Variants in SLC25A48 observed in about 807,000 individuals in gnomAD.
The protein encoded by SLC25A48 is CTC-321K16.1.
In SLC25A48, 29 loss-of-function variants were observed where a neutral mutation model predicts 32.2. That is an observed-to-expected ratio of 0.90 (90% confidence interval 0.67 to 1.23). The LOEUF is 1.23. SLC25A48 is among the 50% of genes most tolerant of loss of function. The pLI, the probability that SLC25A48 is intolerant of heterozygous loss-of-function variation, is 0.00. For missense variants in SLC25A48, 399 were observed against 422.7 expected, an observed-to-expected ratio of 0.94 and a Z score of 0.49; for synonymous variants, 164 against 172.3, an observed-to-expected ratio of 0.95 and a Z score of 0.38.
chr5:135,775,065 C>A (rs1044250628), intron 3 of SLC25A48, among the ~76,000 whole-genome samples: 4 of 151,610 alleles, frequency 2.6e-5, no homozygotes, highest in African/African-American at 2.4e-5. Flanking sequence ...TGATACTGTT[C>A]CCAATATATA....
chr5:135,816,644 C>A (rs191407436), intron 4 of SLC25A48, among the ~76,000 whole-genome samples: 1 of 152,160 alleles, frequency 6.6e-6, no homozygotes, highest in Admixed American at 6.5e-5. Context: ...ATAAATGAGA[C>A]TGTTAAAAGT....
intron 3 of SLC25A48, among the ~76,000 whole-genome samples, chr5:135,748,915 C>T (rs905804565): frequency 1.2e-4 from 18 of 151,088 alleles, no homozygotes; most frequent in African/African-American, 3.9e-4. Context: ...GACGGGGTTT[C>T]GCCATGTTGG....
intron 3 of SLC25A48, among the ~76,000 whole-genome samples, chr5:135,707,091 C>CG (rs2126971009): frequency 6.6e-6 from 1 of 152,124 alleles, no homozygotes; most frequent in South Asian, 2.1e-4. Context: ...GGGGTGTGGG[C>CG]GGCAGGGGCC....
chr5:135,593,962 A>G (rs2126878338), intron 1 of SLC25A48, among the ~76,000 whole-genome samples: 1 of 152,320 alleles, frequency 6.6e-6, no homozygotes, highest in Admixed American at 6.5e-5. Flanking sequence ...ATGCTTTGTG[A>G]CCACAGGAAC....
At chr5:135,857,520 T>C (rs950208005) in intron 4 of SLC25A48, among the ~76,000 whole-genome samples, 1 of 152,262 alleles carries the variant, frequency 6.6e-6, no homozygotes, top group Non-Finnish European at 1.5e-5. Context: ...TTGCCATCTC[T>C]GTTCACGTAT....
intron 1 of SLC25A48, among the ~76,000 whole-genome samples, chr5:135,582,594 T>C (rs1180032442): frequency 6.6e-6 from 1 of 152,158 alleles, no homozygotes; most frequent in African/African-American, 2.4e-5. Context: ...AAGTCCCTGC[T>C]CTGAACCCTT....
chr5:135,671,692 A>G (rs1753659517), intron 3 of SLC25A48: 1 of 152,236 alleles, frequency 6.6e-6, no homozygotes, highest in Non-Finnish European at 1.5e-5. Flanking sequence ...CTTATTTAGG[A>G]GAAAGATGTT....
At chr5:135,717,486 A>C (rs62364591) in intron 3 of SLC25A48, among the ~76,000 whole-genome samples, 7,716 of 152,310 alleles carry the variant, frequency 0.051, 283 homozygotes, top group East Asian at 0.15. Flanking sequence ...CTGTGAATGG[A>C]ACTTTATTTG....
chr5:135,610,543 C>T (rs1488531633), intron 1 of SLC25A48, among the ~76,000 whole-genome samples: 1 of 152,140 alleles, frequency 6.6e-6, no homozygotes, highest in Non-Finnish European at 1.5e-5. Flanking sequence ...GCAATAATTT[C>T]ATCAGATATT....
chr5:135,648,023 C>A (rs933923243), intron 3 of SLC25A48, among the ~76,000 whole-genome samples: 14 of 152,168 alleles, frequency 9.2e-5, no homozygotes, highest in Admixed American at 5.9e-4. Context: ...TCTCTGGGCT[C>A]AGGCCTGTGT....
chr5:135,758,365 T>A (rs7704570), intron 3 of SLC25A48, among the ~76,000 whole-genome samples: 45,484 of 150,498 alleles, frequency 0.3, 6,987 homozygotes, highest in East Asian at 0.46. Flanking sequence ...ATCTACAATA[T>A]CTCTAGTGTT....
intron 3 of SLC25A48, among the ~76,000 whole-genome samples, chr5:135,670,900 A>G (rs1580772130): frequency 6.6e-6 from 1 of 152,228 alleles, no homozygotes; most frequent in African/African-American, 2.4e-5. Context: ...CCCCAGATGC[A>G]AGAGACTTTA....
chr5:135,764,875 C>A (rs57140378), intron 3 of SLC25A48, among the ~76,000 whole-genome samples: 3 of 150,894 alleles, frequency 2.0e-5, no homozygotes, highest in African/African-American at 7.3e-5. Context: ...CTTCCCATAT[C>A]GCAGGGGGTG....
chr5:135,783,568 G>A (rs1211761761), intron 3 of SLC25A48, among the ~76,000 whole-genome samples: 113 of 100,520 alleles, frequency 1.1e-3, no homozygotes, highest in South Asian at 1.7e-3. Context: ...CCCCCTGTGT[G>A]ATTTTGTGAC....
chr5:135,742,585 T>C, intron 3 of SLC25A48: 1 of 1,147,486 alleles, frequency 8.7e-7, no homozygotes, highest in Non-Finnish European at 1.3e-6. Flanking sequence ...TGATTTCCTC[T>C]ATAGCTGCAA....
At chr5:135,754,877 A>G (rs1755858113) in intron 3 of SLC25A48, among the ~76,000 whole-genome samples, 1 of 152,062 alleles carries the variant, frequency 6.6e-6, no homozygotes, top group Non-Finnish European at 1.5e-5. Flanking sequence ...TCCAGTGTTT[A>G]TACACTGTGA....
chr5:135,807,349 T>A (rs1757487322), intron 3 of SLC25A48, among the ~76,000 whole-genome samples: 2 of 147,234 alleles, frequency 1.4e-5, no homozygotes, highest in Admixed American at 1.4e-4. Context: ...ATATCATATC[T>A]TGTTAATATC....
chr5:135,628,558 T>C (rs1752489184), intron 1 of SLC25A48, among the ~76,000 whole-genome samples: 1 of 152,098 alleles, frequency 6.6e-6, no homozygotes. Flanking sequence ...CCAGTAGATC[T>C]GGATTAGTGT....
At chr5:135,625,188 G>A (rs1012141965) in intron 1 of SLC25A48, among the ~76,000 whole-genome samples, 1 of 152,138 alleles carries the variant, frequency 6.6e-6, no homozygotes, top group African/African-American at 2.4e-5. Context: ...AAGAAGTGAC[G>A]GTTAACCTGG....
Sources: allele counts gnomAD v4.1 joint callset (sites outside exome capture counted in the v4.1 genomes callset), GRCh38; gene constraint gnomAD v4.1.1; transcripts MANE v1.5; gene names NCBI Gene and HGNC (gene_info 2026-07-23, HGNC 2026-07-21).